Variants in ABCA4 observed in about 807,000 individuals in gnomAD.
ABCA4 encodes the protein ATP binding cassette subfamily A member 4, also known as retinal-specific phospholipid-transporting ATPase ABCA4.
In ABCA4, 196 loss-of-function variants were observed where a neutral mutation model predicts 263.7. That is an observed-to-expected ratio of 0.74 (90% CI 0.66 to 0.84). ABCA4 has a LOEUF of 0.84. ABCA4 is among the 40% of genes least tolerant of loss of function. The pLI, the probability that ABCA4 is intolerant of heterozygous loss-of-function variation, is 0.00. For synonymous variants in ABCA4, 1,133 were observed against 1,094.2 expected, an observed-to-expected ratio of 1.04 and a Z score of -0.70; for missense variants, 2,792 against 2,855.1, an observed-to-expected ratio of 0.98 and a Z score of 0.50.
chr1:94,060,518 C>T lies in ABCA4; in HGVS notation c.2160+19G>A, dbSNP rs1197600100. ...ACCAAAGTATTCAAGATTTTCTGGG[C>T]CTTCTCCATTTGGCTTACCATGATG... On this transcript the variant is annotated intron_variant, in intron 14 of 49. Transcript: ENST00000370225. 1.2e-6 allele frequency: 2 copies of T among 1,608,658 alleles called. No homozygotes were observed. The highest frequency in any genetic ancestry group is 1.7e-6 in the Non-Finnish European group (2 of 1,176,280).
intron 49 of ABCA4, 55 bp from the exon 50 acceptor site, chr1:93,993,297 C>T: frequency 1.9e-6 from 3 of 1,612,212 alleles, no homozygotes; most frequent in South Asian, 2.2e-5. Context: ...AGATGCTGTA[C>T]TACTTTTAGA....
At position 94,063,166 on chromosome 1, in the gene ABCA4, T is replaced by C. The variant is rs1661176744; in HGVS notation, c.1706A>G (p.Tyr569Cys). 6.2e-7 allele frequency: 1 copy of C among 1,614,178 alleles called. No individual in the cohort carries two copies. Among genetic ancestry groups the C allele is most frequent in the Non-Finnish European group, 8.5e-7 (1 of 1,180,012 alleles). The part of the protein sequence containing the change: ...WTSSLPPHVK[Y>C]KIRMDIDVVE... ...CACGTCTATGTCCATTCGGATCTTA[T>C]ACTTCACGTGGGGTGGTAGAGAGCT... Residue 569 changes from tyrosine (Y) to cysteine (C), a missense_variant, in exon 12 of 50, where the codon TAT becomes TGT. Physicochemically the swap from Tyr to Cys is radical, Grantham distance 194. Transcript: ENST00000370225.
At chr1:94,083,868 C>T (rs1299056633) in intron 6 of ABCA4, among the ~76,000 whole-genome samples, 2 of 152,218 alleles carry the variant, frequency 1.3e-5, no homozygotes, top group Admixed American at 6.5e-5. Context: ...TTGTTTACAT[C>T]TTTCTTCCTT....
intron 10 of ABCA4, 46 bp from the exon 11 acceptor site, chr1:94,077,933 AG>A (rs1461557238): frequency 6.4e-7 from 1 of 1,568,784 alleles, no homozygotes; most frequent in South Asian, 1.1e-5. Flanking sequence ...GAAATTCCAT[AG>A]GATCTTTGGT....
At chr1:94,078,810 G>C in intron 9 of ABCA4, 104 bp from the exon 10 acceptor site, 1 of 838,286 alleles carries the variant, frequency 1.2e-6, no homozygotes, top group South Asian at 1.3e-5. Flanking sequence ...GTTAGGGAAA[G>C]GCTTTTCAAG....
At chr1:93,996,542 C>T (rs143354242) in intron 48 of ABCA4, among the ~76,000 whole-genome samples, 2 of 152,320 alleles carry the variant, frequency 1.3e-5, no homozygotes, top group East Asian at 3.9e-4. Flanking sequence ...TTCAGCTCCT[C>T]ATTGAGTGTG....
At chr1:94,063,636 T>A (rs775678409) in intron 11 of ABCA4, among the ~76,000 whole-genome samples, 5 of 152,166 alleles carry the variant, frequency 3.3e-5, no homozygotes, top group Non-Finnish European at 7.3e-5. Flanking sequence ...AGGCTTTTAC[T>A]CTCCAGCATG....
At chr1:94,082,609 C>G (rs1661731532) in intron 7 of ABCA4, among the ~76,000 whole-genome samples, 1 of 152,150 alleles carries the variant, frequency 6.6e-6, no homozygotes, top group African/African-American at 2.4e-5. Context: ...ATGCAGTTTT[C>G]CAGGTTGGTG....
Position 94,098,975 on chromosome 1 carries a change from G to C in ABCA4, c.587C>G (p.Pro196Arg). ...GGCGATGTCCTTCAGCGCCAGGTCC[G>C]GGACTCCATGAGCGAACTGCAGGGA... The part of the protein sequence containing the change: ...VRPEQFAHGV[P>R]DLALKDIACS... Residue 196 changes from proline (P) to arginine (R), a missense_variant, in exon 6 of 50, where the codon CCG (proline) becomes CGG (arginine). Transcript: ENST00000370225. 1 of 1,609,020 alleles carries C rather than the reference G, an allele frequency of 6.2e-7. No homozygotes were observed. The highest frequency in any genetic ancestry group is 8.5e-7 in the Non-Finnish European group (1 of 1,179,868).
chr1:94,011,423 A>C, intron 38 of ABCA4, 38 bp from the exon 39 acceptor site: 1 of 1,603,376 alleles, frequency 6.2e-7, no homozygotes, highest in Non-Finnish European at 8.5e-7. Flanking sequence ...AACGGGGCAA[A>C]CCCCACCCCC....
chr1:94,088,151 C>T lies in ABCA4; in HGVS notation c.769-4710G>A, dbSNP rs887223311. Among the ~76,000 whole-genome samples the T allele has an allele frequency of 1.3e-5, 2 of 152,336 alleles. 1 individual carries two copies. On this transcript the variant is annotated intron_variant, in intron 6 of 49. Coordinates refer to ENST00000370225, the MANE Select transcript of ABCA4 (RefSeq NM_000350.3). Reference sequence around the variant, plus strand: ...TTATCAAGAACCCCCCAGTTTTCTCCTGGTTTTTAAGTCTAGTGGACATTT... The same window carrying T: ...TTATCAAGAACCCCCCAGTTTTCTCTTGGTTTTTAAGTCTAGTGGACATTT...
rs569147536 is a variant in ABCA4 at position 94,061,020 on chromosome 1, A to C, written c.1938-261T>G. ...GCTCTGCAAGTAAAATGTGTCAATA[A>C]AATTATATCCTCTATGTCAAAGATC... On this transcript the variant is annotated intron_variant, in intron 13 of 49. Coordinates refer to ENST00000370225, the MANE Select transcript of ABCA4 (RefSeq NM_000350.3). Among the ~76,000 whole-genome samples, 3 of 152,266 alleles carry C rather than the reference A, an allele frequency of 2.0e-5. No homozygotes were observed. The South Asian group carries it at 6.2e-4, about 32-fold the overall frequency.
chr1:94,034,306 TTCTCTTCTTC>T (rs1326333295), intron 26 of ABCA4, among the ~76,000 whole-genome samples: 2 of 152,206 alleles, frequency 1.3e-5, no homozygotes, highest in African/African-American at 2.4e-5. Flanking sequence ...CCTTTTCTTC[TTCTCTTCTTC>T]TCTCTTCTTC....
Position 94,085,675 on chromosome 1 carries a change from A to G in ABCA4, c.769-2234T>C, listed in dbSNP as rs1181899170. 2.6e-5 allele frequency among the ~76,000 whole-genome samples: 4 copies of G among 152,306 alleles called. No individual in the cohort carries two copies. In the South Asian group the frequency reaches 8.3e-4, roughly 32 times the overall value. The stretch of plus-strand genomic sequence containing the variant: ...CCTACTGTCTCCAGAAGAGAAGGCC[A>G]TTACTACGTTTTGACACACATGACC... On this transcript the variant is annotated intron_variant, in intron 6 of 49. Coordinates refer to ENST00000370225, the MANE Select transcript of ABCA4 (RefSeq NM_000350.3).
At chr1:94,056,488 C>A in intron 15 of ABCA4, 113 bp downstream of exon 15, 1 of 1,203,878 alleles carries the variant, frequency 8.3e-7, no homozygotes. Context: ...ACTTTTTAAC[C>A]TTAGGTCAAA....
intron 7 of ABCA4, among the ~76,000 whole-genome samples, chr1:94,081,521 A>C (rs1039352462): frequency 6.6e-6 from 1 of 152,202 alleles, no homozygotes; most frequent in African/African-American, 2.4e-5. Flanking sequence ...TATTTGGAAA[A>C]TAATCTTATT....
chr1:94,019,588 C>G lies in ABCA4; in HGVS notation c.5190G>C (p.Trp1730Cys). ...GCTGTAAACTGACACTTACGATGTC[C>G]CAGAGGAAGTTGGTCACCCAGTAGG... ...PTTYWVTNFL[W>C]DIMNYSVSAG... Residue 1730 changes from tryptophan (W) to cysteine (C), a missense_variant, in exon 36 of 50, where the codon TGG becomes TGC. Physicochemically the swap from Trp to Cys is radical, Grantham distance 215. Transcript: ENST00000370225. The G allele has an allele frequency of 6.2e-7, 1 of 1,604,994 alleles. No individual in the cohort carries two copies.
At chr1:94,061,228 G>A (rs962182417) in intron 13 of ABCA4, among the ~76,000 whole-genome samples, 1 of 152,160 alleles carries the variant, frequency 6.6e-6, no homozygotes, top group Non-Finnish European at 1.5e-5. Context: ...GTCTGCCCTG[G>A]AAGGTCAAAC....
chr1:94,055,060 T>G (rs753041563), intron 16 of ABCA4, 51 bp downstream of exon 16: 1 of 1,509,530 alleles, frequency 6.6e-7, no homozygotes, highest in Non-Finnish European at 9.2e-7. Flanking sequence ...TGGAGAGGGC[T>G]GGGGATCTGA....
Sources: allele counts gnomAD v4.1 joint callset (sites outside exome capture counted in the v4.1 genomes callset), GRCh38; gene constraint gnomAD v4.1.1; transcripts MANE v1.5; gene names NCBI Gene and HGNC (gene_info 2026-07-23, HGNC 2026-07-21).